IARS2: variants seen among roughly 807,000 people sequenced by gnomAD.
IARS2 encodes isoleucine--tRNA ligase, mitochondrial.
In IARS2, 56 loss-of-function variants were observed where a neutral mutation model predicts 126.3. That is an observed-to-expected ratio of 0.44 (90% CI 0.36 to 0.55). The LOEUF (loss-of-function observed/expected upper bound fraction) is 0.55, where lower values mean the gene tolerates loss of function less well. Among genes scored for constraint, IARS2 ranks in the 20% least tolerant of loss-of-function variants. IARS2 has a pLI of 0.00. For synonymous variants in IARS2, 407 were observed against 441.1 expected (o/e 0.92, Z 0.97); for missense variants, 1,127 against 1,245.9 (o/e 0.90, Z 1.44).
intron 14 of IARS2, among the ~76,000 whole-genome samples, chr1:220,132,804 G>A (rs551715078): frequency 4.6e-5 from 7 of 152,106 alleles, no homozygotes; most frequent in African/African-American, 1.7e-4. Context: ...GATTTTACAG[G>A]CGTGAGCCAC....
intron 2 of IARS2, among the ~76,000 whole-genome samples, chr1:220,099,701 A>G (rs1246676341): frequency 1.3e-5 from 2 of 152,202 alleles, no homozygotes; most frequent in Non-Finnish European, 2.9e-5. Context: ...AACAATTTCC[A>G]AAGAGTTAAG....
Position 220,134,325 on chromosome 1 carries a change from T to C in IARS2, c.1838-77T>C, listed in dbSNP as rs1571861370. The C allele has an allele frequency of 9.1e-6, 9 of 983,952 alleles. No homozygotes were observed. In the East Asian group the frequency reaches 2.2e-4, roughly 24 times the overall value. 61.0% of individuals were successfully genotyped at this position (983,952 alleles called of 1,614,324 possible). On this transcript the variant is annotated intron_variant, in intron 14 of 22. Transcript: ENST00000366922. ...TTCCCTTCCTCCCCACTAATTGTTA[T>C]TAATAAGTATCTTCTTTTTCTATTT...
chr1:220,138,033 A>T lies in IARS2; in HGVS notation c.2165A>T (p.Asp722Val), dbSNP rs973849821. 6.2e-7 allele frequency: 1 copy of T among 1,614,032 alleles called. No homozygotes were observed. Among genetic ancestry groups the T allele is most frequent in the East Asian group, 2.2e-5 (1 of 44,900 alleles). The change falls in exon 17 of 23, where the codon GAT becomes GTT. Residue 722 changes from aspartate to valine, a missense_variant. Coordinates refer to ENST00000366922, the MANE Select transcript of IARS2 (RefSeq NM_018060.4). ...GPSVLNAARD[D>V]ISKLRNTLRF... ...TCCGTGCTCAATGCTGCCAGAGATG[A>T]TATTAGCAAGGTTAGAACTATTATT...
At chr1:220,138,904 C>T in intron 17 of IARS2, 104 bp from the exon 18 acceptor site, 41 of 984,412 alleles carry the variant, frequency 4.2e-5, no homozygotes, top group South Asian at 7.4e-5. Context: ...ATAAAAATAC[C>T]CCACTAAGAA....
At chr1:220,099,600 G>A (rs745355348) in intron 2 of IARS2, among the ~76,000 whole-genome samples, 1 of 152,122 alleles carries the variant, frequency 6.6e-6, no homozygotes, top group Non-Finnish European at 1.5e-5. Context: ...GAAACCATTC[G>A]AAAGGCTGGA....
intron 19 of IARS2, among the ~76,000 whole-genome samples, chr1:220,140,819 C>T (rs1240956209): frequency 2.6e-5 from 4 of 151,852 alleles, no homozygotes; most frequent in Non-Finnish European, 5.9e-5. Flanking sequence ...CCCGTCTCTA[C>T]TAAAAATACA....
intron 13 of IARS2, among the ~76,000 whole-genome samples, chr1:220,125,584 G>A (rs1571857150): frequency 6.6e-6 from 1 of 152,254 alleles, no homozygotes; most frequent in Admixed American, 6.5e-5. Context: ...CAGACAGATA[G>A]CTTGAGTCCA....
intron 10 of IARS2, among the ~76,000 whole-genome samples, chr1:220,109,381 CAG>C (rs910266914): frequency 2.1e-5 from 3 of 146,020 alleles, no homozygotes; most frequent in African/African-American, 7.6e-5. Flanking sequence ...TCCTGGGCAA[CAG>C]AGCGAGAGTC....
chr1:220,131,793 A>ATT (rs34917733), intron 14 of IARS2, among the ~76,000 whole-genome samples: 53 of 120,572 alleles, frequency 4.4e-4, no homozygotes, highest in African/African-American at 9.4e-4. Flanking sequence ...GCCACGTTGA[A>ATT]TTTTTTTTTT....
intron 22 of IARS2, among the ~76,000 whole-genome samples, chr1:220,147,067 A>C (rs1657611759): frequency 6.6e-6 from 1 of 152,188 alleles, no homozygotes; most frequent in Admixed American, 6.5e-5. Flanking sequence ...TTGTGGAGAT[A>C]TTTTTGGTTC....
chr1:220,099,712 T>C (rs1196038731), intron 2 of IARS2, among the ~76,000 whole-genome samples: 2 of 152,224 alleles, frequency 1.3e-5, no homozygotes, highest in East Asian at 1.9e-4. Flanking sequence ...AAGAGTTAAG[T>C]AGAAAGGAGG....
chr1:220,097,552 A>AG (rs950730321), intron 2 of IARS2, among the ~76,000 whole-genome samples: 4 of 150,682 alleles, frequency 2.7e-5, no homozygotes, highest in East Asian at 2.0e-4. Context: ...TTTAGTAGAG[A>AG]GGGGGTTTCA....
intron 2 of IARS2, among the ~76,000 whole-genome samples, chr1:220,098,016 A>C (rs1656483991): frequency 6.6e-6 from 1 of 152,112 alleles, no homozygotes; most frequent in East Asian, 1.9e-4. Context: ...CTGGGACCAC[A>C]GGTGCCTGCC....
intron 13 of IARS2, among the ~76,000 whole-genome samples, chr1:220,125,573 G>A (rs1657134054): frequency 6.6e-6 from 1 of 152,158 alleles, no homozygotes; most frequent in Non-Finnish European, 1.5e-5. Flanking sequence ...AAAGGCTGAG[G>A]CAGACAGATA....
rs1257930022 is a variant in IARS2 at position 220,096,085 on chromosome 1, T to C, written c.268-19T>C. On this transcript the variant is annotated intron_variant, in intron 1 of 22. Transcript: ENST00000366922. The stretch of plus-strand genomic sequence containing the variant: ...TGTATTTATATGATGTTTAGATATC[T>C]TTTTTTTTTTTAAAACAGAAATGTG... 5 of 590,196 alleles carry C rather than the reference T, an allele frequency of 8.5e-6. No individual in the cohort carries two copies. In the South Asian group the frequency reaches 9.6e-5, roughly 11 times the overall value. The allele number at this position is 590,196 out of a possible 1,614,324, so 36.6% of individuals were successfully genotyped here.
intron 16 of IARS2, 163 bp from the exon 17 acceptor site, chr1:220,137,755 A>G: frequency 1.5e-6 from 1 of 684,932 alleles, no homozygotes; most frequent in South Asian, 2.2e-5. Context: ...TTTTAGATAC[A>G]GTCTAATTTG....
In IARS2 at chr1:220,110,976, A is replaced by G. The variant is rs756955135; in HGVS notation, c.1479+39A>G. On this transcript the variant is annotated intron_variant, in intron 11 of 22. Coordinates refer to ENST00000366922, the MANE Select transcript of IARS2 (RefSeq NM_018060.4). ...CCTGTTTTAACAGGTCGGGCATATC[A>G]TTCCCTCAGTATAAAGGGGCTGCAT... is the stretch of plus-strand genomic sequence containing the variant. 25 of 1,598,694 alleles carry G rather than the reference A, an allele frequency of 1.6e-5. 1 individual carries two copies. Among genetic ancestry groups the G allele is most frequent in the South Asian group, 7.9e-5 (7 of 88,670 alleles).
At chr1:220,137,756 G>C (rs1384298544) in intron 16 of IARS2, 162 bp from the exon 17 acceptor site, 2 of 702,020 alleles carry the variant, frequency 2.8e-6, no homozygotes, top group Admixed American at 5.9e-5. Flanking sequence ...TTTAGATACA[G>C]TCTAATTTGA....
At chr1:220,100,382 C>A in intron 2 of IARS2, 108 bp from the exon 3 acceptor site, 1 of 916,186 alleles carries the variant, frequency 1.1e-6, no homozygotes, top group Non-Finnish European at 1.6e-6. Context: ...AAATTGTAGG[C>A]CAAATATTTT....
Sources: allele counts gnomAD v4.1 joint callset (sites outside exome capture counted in the v4.1 genomes callset), GRCh38; gene constraint gnomAD v4.1.1; transcripts MANE v1.5; gene names NCBI Gene and HGNC (gene_info 2026-07-23, HGNC 2026-07-21).